The following SNX21 variants were observed in gnomAD, a reference collection of about 807,000 sequenced individuals.
SNX21 encodes sorting nexin family member 21.
A neutral mutation model predicts 30.9 loss-of-function variants in SNX21; 36 were observed. The observed-to-expected ratio is 1.16, with a 90% CI of 0.89 to 1.54. The LOEUF is 1.54. Ranked by LOEUF, SNX21 falls within the 40% of genes most tolerant of loss-of-function variation. The probability of loss-of-function intolerance (pLI) is 0.00; values close to 1 mark genes in which losing one functional copy is unlikely to be tolerated. For synonymous variants in SNX21, 218 were observed against 222.7 expected (o/e 0.98, Z 0.19); for missense variants, 508 against 516.5 (o/e 0.98, Z 0.16).
chr20:45,841,339 T>C lies in SNX21; in HGVS notation c.*26T>C. 2 of 1,522,118 alleles carry C rather than the reference T, an allele frequency of 1.3e-6. No individual in the cohort carries two copies. Among genetic ancestry groups the C allele is most frequent in the Non-Finnish European group, 1.8e-6 (2 of 1,136,682 alleles). 94.3% of individuals were successfully genotyped at this position (1,522,118 alleles called of 1,614,324 possible). A position where few individuals can be genotyped will look rare whatever the true frequency, so the allele number is the denominator to read the frequency against. ...CCCTTGCCTAGATTTAAGGCCACTG[T>C]GAGGAGAGGGGTTGCCCCAGAAGGC... On this transcript the variant is annotated 3_prime_UTR_variant, in exon 4 of 4. Transcript: ENST00000491381.
intron 1 of SNX21, 82 bp downstream of exon 1, chr20:45,834,022 G>T: frequency 2.1e-6 from 3 of 1,425,114 alleles, no homozygotes; most frequent in East Asian, 5.4e-5. Context: ...AGGCTGAGTG[G>T]GTTGGGGGGA....
At position 45,841,796 on chromosome 20, in the gene SNX21, A is replaced by G. The variant is rs770476823; in HGVS notation, c.*483A>G. The G allele has an allele frequency of 8.6e-5, 134 of 1,551,336 alleles. No individual in the cohort carries two copies. Among genetic ancestry groups the G allele is most frequent in the Non-Finnish European group, 1.1e-4 (130 of 1,154,798 alleles). On this transcript the variant is annotated 3_prime_UTR_variant, in exon 4 of 4. Transcript: ENST00000491381. ...ACTCCTGTCTCAGGAATGGGGATAG[A>G]TGGGAGGTTCTTGAAGCCCCAGGCG...
rs367714719 is a variant in SNX21, at chr20:45,840,827, T to C, written c.636T>C (p.Arg212=). ...TTACTGCAGAGACCATTGCCCGCCG[T>C]AGCCGGGCCTTTGAGCAGTTTTTGG... ...RNFTAETIAR[R]SRAFEQFLGH... is the part of the protein sequence containing the mutation. Residue 212 remains arginine (R), a synonymous_variant, in exon 4 of 4, where the codon CGT becomes CGC. Transcript: ENST00000491381. 1 of 1,613,852 alleles carries C rather than the reference T, an allele frequency of 6.2e-7. No homozygotes were observed. Among genetic ancestry groups the C allele is most frequent in the Non-Finnish European group, 8.5e-7 (1 of 1,180,048 alleles).
At position 45,841,297 on chromosome 20, in the gene SNX21, A is replaced by G. The variant is rs757545655; in HGVS notation, c.1106A>G (p.Lys369Arg). The G allele has an allele frequency of 1.3e-6, 2 of 1,572,234 alleles. No homozygotes were observed. Among genetic ancestry groups the G allele is most frequent in the Non-Finnish European group, 8.6e-7 (1 of 1,162,204 alleles). ...PPPSLKELLI[K>R]EVLD is the part of the protein sequence containing the mutation. ...CCCAGTCTCAAAGAATTGCTCATCA[A>G]GGAGGTGCTGGACTAACCCTTGCCT... The change falls in exon 4 of 4, where the codon AAG becomes AGG. Residue 369 changes from lysine (K) to arginine (R), a missense_variant. Physicochemically the swap from Lys to Arg is conservative, Grantham distance 26. Transcript: ENST00000491381.
intron 2 of SNX21, chr20:45,834,673 AACTC>A (rs1272665195): frequency 2.8e-6 from 2 of 704,100 alleles, no homozygotes; most frequent in South Asian, 2.0e-5. Context: ...CAAGTGGGAG[AACTC>A]ACTCTCATCT....
In SNX21 at chr20:45,834,462, G is replaced by A; in HGVS notation, c.283G>A (p.Asp95Asn). Residue 95 changes from aspartate to asparagine, a missense_variant, in exon 2 of 4, where the codon GAC (aspartate) becomes AAC (asparagine). Physicochemically the swap from Asp to Asn is conservative, Grantham distance 23. Transcript: ENST00000491381. ...LPLGDGTSGE[D>N]AERSPPPDGQ... ...CCTCGGGGATGGGACGTCAGGAGAA[G>A]ACGCAGGCGAGTGCAGGAGGACGGA... 2 of 1,602,376 alleles carry A rather than the reference G, an allele frequency of 1.2e-6. No homozygotes were observed. The highest frequency in any genetic ancestry group is 8.5e-7 in the Non-Finnish European group (1 of 1,178,548).
intron 3 of SNX21, among the ~76,000 whole-genome samples, chr20:45,839,110 C>T (rs1394856021): frequency 6.6e-6 from 1 of 152,116 alleles, no homozygotes; most frequent in African/African-American, 2.4e-5. Context: ...TCAGCCTGGT[C>T]TCGAACTCTC....
Position 45,840,825 on chromosome 20 carries a change from C to T in SNX21, c.634C>T (p.Arg212Cys), listed in dbSNP as rs768655225. The T allele has an allele frequency of 3.0e-5, 48 of 1,613,982 alleles. 1 individual carries two copies. The highest frequency in any genetic ancestry group is 2.1e-4 in the South Asian group (19 of 91,092). Reference protein sequence around the residue: ...RNFTAETIARRSRAFEQFLGH... With the variant: ...RNFTAETIARCSRAFEQFLGH... The stretch of plus-strand genomic sequence containing the variant: ...TTTTACTGCAGAGACCATTGCCCGC[C>T]GTAGCCGGGCCTTTGAGCAGTTTTT... Residue 212 changes from arginine (R) to cysteine (C), a missense_variant, in exon 4 of 4, where the codon CGT becomes TGT. Transcript: ENST00000491381.
intron 3 of SNX21, among the ~76,000 whole-genome samples, chr20:45,835,547 C>T (rs979770726): frequency 6.6e-6 from 1 of 152,216 alleles, no homozygotes; most frequent in Non-Finnish European, 1.5e-5. Context: ...TTGTTTGACT[C>T]TGGGTGAGTT....
intron 3 of SNX21, chr20:45,840,169 G>C (rs1983924866): frequency 1.0e-6 from 1 of 985,304 alleles, no homozygotes; most frequent in South Asian, 4.7e-5. Context: ...TATGGCAGTT[G>C]TGGCTATCTA....
In SNX21 at chr20:45,840,910, T is replaced by C; in HGVS notation, c.719T>C (p.Val240Ala). The C allele has an allele frequency of 6.2e-7, 1 of 1,612,904 alleles. No homozygotes were observed. Among genetic ancestry groups the C allele is most frequent in the East Asian group, 2.2e-5 (1 of 44,876 alleles). The change falls in exon 4 of 4, where the codon GTG becomes GCG. Residue 240 changes from valine to alanine, a missense_variant. By Grantham distance (64) the Val-to-Ala change is moderately conservative. Transcript: ENST00000491381. ...RHAPDLQDFF[V>A]LPELRRAQSL... ...GCCCCGGACCTGCAGGACTTCTTCG[T>C]GCTGCCGGAGCTGCGGCGGGCACAG...
chr20:45,843,078 C>T lies in SNX21; in HGVS notation c.*1765C>T. ...AACTTAAAAATACAGTTTCCTGGAC[C>T]TTATCCAAGACCTACTGAGTGAGAA... is the stretch of plus-strand genomic sequence containing the variant. On this transcript the variant is annotated 3_prime_UTR_variant, in exon 4 of 4. Coordinates refer to ENST00000491381, the MANE Select transcript of SNX21 (RefSeq NM_033421.4). The T allele has an allele frequency of 8.7e-7, 1 of 1,146,606 alleles. No homozygotes were observed. The highest frequency in any genetic ancestry group is 1.1e-6 in the Non-Finnish European group (1 of 911,074). 71.0% of individuals were successfully genotyped at this position (1,146,606 alleles called of 1,614,324 possible).
chr20:45,835,855 G>A (rs894807063), intron 3 of SNX21, among the ~76,000 whole-genome samples: 2 of 152,184 alleles, frequency 1.3e-5, no homozygotes, highest in African/African-American at 4.8e-5. Flanking sequence ...GAGCAATGTT[G>A]GGGAGGACCT....
chr20:45,834,378 G>A lies in SNX21; in HGVS notation c.199G>A (p.Glu67Lys), dbSNP rs1983316738. ...LSGTLSFTSAEDDEDDEDEDD... is the reference protein window; with the variant it reads ...LSGTLSFTSAKDDEDDEDEDD... Reference sequence around the variant, plus strand: ...CGGCACCCTCAGCTTCACCAGCGCCGAGGACGACGAGGACGACGAGGACGA... The same window carrying A: ...CGGCACCCTCAGCTTCACCAGCGCCAAGGACGACGAGGACGACGAGGACGA... Residue 67 changes from glutamate to lysine, a missense_variant, in exon 2 of 4, where the codon GAG becomes AAG. Coordinates refer to ENST00000491381, the MANE Select transcript of SNX21 (RefSeq NM_033421.4). 1 of 1,599,510 alleles carries A rather than the reference G, an allele frequency of 6.3e-7. No homozygotes were observed. The highest frequency in any genetic ancestry group is 1.3e-5 in the African/African-American group (1 of 74,780).
rs1469265030 is a variant in SNX21, at chr20:45,834,202, G to C, written c.23G>C (p.Gly8Ala). 6.6e-7 allele frequency: 1 copy of C among 1,517,266 alleles called. No homozygotes were observed. Among genetic ancestry groups the C allele is most frequent in the Non-Finnish European group, 8.8e-7 (1 of 1,142,546 alleles). 94.0% of individuals were successfully genotyped at this position (1,517,266 alleles called of 1,614,324 possible). A position where few individuals can be genotyped will look rare whatever the true frequency, so the allele number is the denominator to read the frequency against. The change falls in exon 2 of 4, where the codon GGT becomes GCT. Residue 8 changes from glycine (G) to alanine (A), a missense_variant and splice_region_variant. Coordinates refer to ENST00000491381, the MANE Select transcript of SNX21 (RefSeq NM_033421.4). ...CACAGCGTCGCGCGCTCCCCCCAGGGTGCCATGGCCTCCCGGCTCCTGCAC... is the reference window on the plus strand; with the variant it reads ...CACAGCGTCGCGCGCTCCCCCCAGGCTGCCATGGCCTCCCGGCTCCTGCAC... Reference protein sequence around the residue: MHRGTQEGAMASRLLHRL... With the variant: MHRGTQEAAMASRLLHRL...
chr20:45,834,876 T>G, intron 2 of SNX21, 83 bp from the exon 3 acceptor site: 1 of 1,501,184 alleles, frequency 6.7e-7, no homozygotes, highest in Non-Finnish European at 9.0e-7. Flanking sequence ...TGCCTCACAC[T>G]GGGAGGATGA....
In SNX21 at chr20:45,834,464, C is replaced by T. The variant is rs767945143; in HGVS notation, c.285C>T (p.Asp95=). ...LPLGDGTSGE[D]AERSPPPDGQ... ...TCGGGGATGGGACGTCAGGAGAAGA[C>T]GCAGGCGAGTGCAGGAGGACGGAGG... is the stretch of plus-strand genomic sequence containing the variant. Residue 95 remains aspartate (D), a synonymous_variant, in exon 2 of 4, where the codon GAC becomes GAT. Coordinates refer to ENST00000491381, the MANE Select transcript of SNX21 (RefSeq NM_033421.4). 2 of 1,601,764 alleles carry T rather than the reference C, an allele frequency of 1.2e-6. No homozygotes were observed. Among genetic ancestry groups the T allele is most frequent in the Non-Finnish European group, 1.7e-6 (2 of 1,178,312 alleles).
intron 3 of SNX21, among the ~76,000 whole-genome samples, chr20:45,836,370 A>G (rs1983533199): frequency 6.6e-6 from 1 of 151,828 alleles, no homozygotes; most frequent in Non-Finnish European, 1.5e-5. Flanking sequence ...AGGCGCCTGT[A>G]GTCCCAGTTA....
At chr20:45,836,402 A>G (rs1453942956) in intron 3 of SNX21, among the ~76,000 whole-genome samples, 1 of 146,428 alleles carries the variant, frequency 6.8e-6, no homozygotes, top group Non-Finnish European at 1.5e-5. Context: ...GAGGCAGGAG[A>G]ATGGCGTGAA....
Sources: allele counts gnomAD v4.1 joint callset (sites outside exome capture counted in the v4.1 genomes callset), GRCh38; gene constraint gnomAD v4.1.1; transcripts MANE v1.5; gene names NCBI Gene and HGNC (gene_info 2026-07-23, HGNC 2026-07-21).